Variants in DOCK6 observed in about 807,000 individuals in gnomAD.
The protein encoded by DOCK6 is dedicator of cytokinesis protein 6.
DOCK6 carries 167 observed loss-of-function variants against 230.3 expected under a neutral mutation model. The ratio of observed to expected loss-of-function variants is 0.73; its 90% CI spans 0.64 to 0.82. DOCK6 has a LOEUF of 0.82. DOCK6 is among the 40% of genes least tolerant of loss of function. The probability of loss-of-function intolerance (pLI) is 0.00; values close to 1 mark genes in which losing one functional copy is unlikely to be tolerated. For missense variants in DOCK6, 2,598 were observed against 2,825.8 expected (o/e 0.92, Z 1.83); for synonymous variants, 1,148 against 1,185.0 (o/e 0.97, Z 0.64).
intron 14 of DOCK6, chr19:11,241,675 G>A (rs747632185): frequency 1.1e-5 from 18 of 1,583,118 alleles, no homozygotes; most frequent in South Asian, 2.3e-5. Context: ...ACACAGCGGC[G>A]CTCCCAGCCT....
chr19:11,227,886 G>GA (rs1276560833), intron 23 of DOCK6, among the ~76,000 whole-genome samples: 1 of 152,116 alleles, frequency 6.6e-6, no homozygotes, highest in African/African-American at 2.4e-5. Context: ...TGAGGCACTG[G>GA]ATTTGAAGGG....
At chr19:11,234,896 C>T (rs2079822600) in intron 21 of DOCK6, among the ~76,000 whole-genome samples, 1 of 152,166 alleles carries the variant, frequency 6.6e-6, no homozygotes, top group Non-Finnish European at 1.5e-5. Flanking sequence ...AGGGCCTTTG[C>T]ACATGCTATT....
In DOCK6 at chr19:11,204,051, G is replaced by A. The variant is rs542840224; in HGVS notation, c.5235+30C>T. 1.4e-5 allele frequency: 21 copies of A among 1,545,678 alleles called. No homozygotes were observed. The East Asian group carries it at 5.1e-4, about 38-fold the overall frequency. On this transcript the variant is annotated intron_variant, in intron 41 of 47. Transcript: ENST00000294618. ...GCCAGTCATCACGGGGGTCCCAGAG[G>A]CAGGTGGCTGTCCACCAAGGCTGAC...
chr19:11,243,436 G>A lies in DOCK6; in HGVS notation c.1259-51C>T. Reference sequence around the variant, plus strand: ...AAGGGGGACCAAGATGAAACAGGGAGACTCAGGGGCGGCACAGTTCGGCCA... The same window carrying A: ...AAGGGGGACCAAGATGAAACAGGGAAACTCAGGGGCGGCACAGTTCGGCCA... On this transcript the variant is annotated intron_variant, in intron 11 of 47. Transcript: ENST00000294618. The surrounding 1 kb of genome is among the most constrained non-coding windows in gnomAD (Gnocchi z 6.3). 6.3e-7 allele frequency: 1 copy of A among 1,579,910 alleles called. No homozygotes were observed. The highest frequency in any genetic ancestry group is 8.6e-7 in the Non-Finnish European group (1 of 1,164,692).
intron 35 of DOCK6, 138 bp from the exon 36 acceptor site, chr19:11,212,289 T>C: frequency 1.1e-6 from 1 of 951,116 alleles, no homozygotes; most frequent in East Asian, 2.8e-5. Flanking sequence ...TCGCCCAGGC[T>C]GGAGTGCAGT....
chr19:11,209,983 TCTCACCTGCCCATCC>T (rs1250551340), intron 37 of DOCK6, among the ~76,000 whole-genome samples: 16 of 68,934 alleles, frequency 2.3e-4, no homozygotes, highest in Non-Finnish European at 4.2e-4. Context: ...CTGTCCACCC[TCTCACCTGCCCATCC>T]CTCACCTGCC....
At chr19:11,247,138 G>A (rs1001032046) in intron 7 of DOCK6, 1 of 152,366 alleles carries the variant, frequency 6.6e-6, no homozygotes, top group East Asian at 1.9e-4. Flanking sequence ...GTTTGAGGCT[G>A]GAGTGCAGTG....
rs756846926 is a variant in DOCK6 at position 11,221,866 on chromosome 19, G to A, written c.3535C>T (p.Leu1179=). Reference sequence around the variant, plus strand: ...GCCCACTGACCAGCAAAGTCATGCAGCCGTGGCAAGGTATCCCGTGCAATC... The same window carrying A: ...GCCCACTGACCAGCAAAGTCATGCAACCGTGGCAAGGTATCCCGTGCAATC... ...LSIARDTLPR[L]HDFAEGPGQR... Residue 1179 remains leucine (L), a synonymous_variant, in exon 28 of 48, where the codon CTG becomes TTG. Coordinates refer to ENST00000294618, the MANE Select transcript of DOCK6 (RefSeq NM_020812.4). 6.2e-7 allele frequency: 1 copy of A among 1,613,776 alleles called. No homozygotes were observed. The highest frequency in any genetic ancestry group is 8.5e-7 in the Non-Finnish European group (1 of 1,179,910).
chr19:11,253,057 G>A, intron 2 of DOCK6, 99 bp from the exon 3 acceptor site: 1 of 1,223,514 alleles, frequency 8.2e-7, no homozygotes, highest in South Asian at 1.5e-5. Flanking sequence ...ACTCAAATAG[G>A]AGGGCGGTGG....
intron 14 of DOCK6, chr19:11,240,386 T>G: frequency 7.5e-7 from 1 of 1,336,902 alleles, no homozygotes; most frequent in Non-Finnish European, 1.0e-6. Context: ...ACCTCCCAGA[T>G]CAGCCTCCCA....
chr19:11,240,947 T>C (rs1431579525), intron 14 of DOCK6, among the ~76,000 whole-genome samples: 1 of 151,756 alleles, frequency 6.6e-6, no homozygotes, highest in Non-Finnish European at 1.5e-5. Flanking sequence ...CTATGCCCTT[T>C]AATAATCCAT....
chr19:11,253,358 T>G (rs1031932736), intron 2 of DOCK6, among the ~76,000 whole-genome samples: 3 of 152,016 alleles, frequency 2.0e-5, no homozygotes, highest in African/African-American at 7.3e-5. Context: ...CATCCCCATC[T>G]AGGTGGTCCA....
In DOCK6 at chr19:11,222,446, GAT is replaced by G; in HGVS notation, c.3241-200_3241-199del. On this transcript the variant is annotated intron_variant, in intron 26 of 47. Coordinates refer to ENST00000294618, the MANE Select transcript of DOCK6 (RefSeq NM_020812.4). The surrounding 1 kb of genome is among the most constrained non-coding windows in gnomAD (Gnocchi z 4.0). ...GAGGGGCTGACGTTAACCCATCTGTGATGTAACAGGGCACGGAGTCAAAAGTC... is the reference window on the plus strand; with the variant it reads ...GAGGGGCTGACGTTAACCCATCTGTGGTAACAGGGCACGGAGTCAAAAGTC... 1.3e-6 allele frequency: 1 copy of G among 784,590 alleles called. No homozygotes were observed. The highest frequency in any genetic ancestry group is 2.0e-6 in the Non-Finnish European group (1 of 505,434). 48.6% of individuals were successfully genotyped at this position (784,590 alleles called of 1,614,324 possible).
At chr19:11,255,096 C>T (rs1481970793) in intron 1 of DOCK6, among the ~76,000 whole-genome samples, 2 of 151,652 alleles carry the variant, frequency 1.3e-5, no homozygotes, top group Non-Finnish European at 2.9e-5. Context: ...ACCTGCTTCC[C>T]GGGTTCAAGC....
At position 11,214,283 on chromosome 19, in the gene DOCK6, C is replaced by T. The variant is rs2079442184; in HGVS notation, c.4330G>A (p.Val1444Met). The change falls in exon 34 of 48, where the codon GTG becomes ATG. Residue 1444 changes from valine to methionine, a missense_variant. Coordinates refer to ENST00000294618, the MANE Select transcript of DOCK6 (RefSeq NM_020812.4). ...TGTTGAGTGGTGCTCACCTTGGACACAAGGGCCCTCTGGGTGGCCAGGCCA... is the reference window on the plus strand; with the variant it reads ...TGTTGAGTGGTGCTCACCTTGGACATAAGGGCCCTCTGGGTGGCCAGGCCA... ...QHGLATQRAL[V>M]SKFPELLFEE... The T allele has an allele frequency of 6.2e-7, 1 of 1,610,408 alleles. No individual in the cohort carries two copies. The highest frequency in any genetic ancestry group is 1.3e-5 in the African/African-American group (1 of 74,814).
chr19:11,252,470 A>C lies in DOCK6; in HGVS notation c.377+12T>G, dbSNP rs8113582. 1 of 1,613,558 alleles carries C rather than the reference A, an allele frequency of 6.2e-7. No individual in the cohort carries two copies. The highest frequency in any genetic ancestry group is 8.5e-7 in the Non-Finnish European group (1 of 1,179,816). On this transcript the variant is annotated intron_variant, in intron 4 of 47. Coordinates refer to ENST00000294618, the MANE Select transcript of DOCK6 (RefSeq NM_020812.4). ...TTCCGAACCCCCTGAGCTGCCCCTA[A>C]GTCAGACTCACCTTCTGTGGACAAT... is the stretch of plus-strand genomic sequence containing the variant.
intron 1 of DOCK6, among the ~76,000 whole-genome samples, chr19:11,260,875 T>C (rs1456802955): frequency 3.3e-4 from 2 of 6,094 alleles, no homozygotes; most frequent in African/African-American, 7.1e-4. Flanking sequence ...AGAGCGAGAC[T>C]CTGTCTCAAA....
At chr19:11,203,905 G>T in intron 41 of DOCK6, 176 bp downstream of exon 41, 1 of 773,396 alleles carries the variant, frequency 1.3e-6, no homozygotes, top group Non-Finnish European at 2.1e-6. Flanking sequence ...GGCGGGGGGT[G>T]GGGGCATTTT....
At position 11,221,874 on chromosome 19, in the gene DOCK6, A is replaced by G; in HGVS notation, c.3527T>C (p.Leu1176Ser). 6.2e-7 allele frequency: 1 copy of G among 1,613,798 alleles called. No individual in the cohort carries two copies. Among genetic ancestry groups the G allele is most frequent in the Non-Finnish European group, 8.5e-7 (1 of 1,179,906 alleles). ...ACCAGCAAAGTCATGCAGCCGTGGC[A>G]AGGTATCCCGTGCAATCGATAGCAG... ...LPLLSIARDT[L>S]PRLHDFAEGP... is the part of the protein sequence containing the mutation. Residue 1176 changes from leucine (L) to serine (S), a missense_variant, in exon 28 of 48, where the codon TTG becomes TCG. By Grantham distance (145) the Leu-to-Ser change is moderately radical (BLOSUM62 -2). Transcript: ENST00000294618.
Sources: allele counts gnomAD v4.1 joint callset (sites outside exome capture counted in the v4.1 genomes callset), GRCh38; gene constraint gnomAD v4.1.1; non-coding constraint Gnocchi (gnomAD v3.1); transcripts MANE v1.5; gene names NCBI Gene and HGNC (gene_info 2026-07-23, HGNC 2026-07-21).